ANKS1B: variants seen among roughly 807,000 people sequenced by gnomAD.
ANKS1B encodes the protein ankyrin repeat and sterile alpha motif domain-containing protein 1B.
Under a neutral mutation model 148.3 loss-of-function variants are expected in ANKS1B, and 36 were observed. The ratio of observed to expected loss-of-function variants is 0.24; its 90% CI spans 0.19 to 0.32. The LOEUF is 0.32. ANKS1B is among the 10% of genes least tolerant of loss of function. The probability of loss-of-function intolerance (pLI) is 1.00; values close to 1 mark genes in which losing one functional copy is unlikely to be tolerated. For missense variants in ANKS1B, 1,157 were observed against 1,542.6 expected, an observed-to-expected ratio of 0.75 and a Z score of 4.19; for synonymous variants, 542 against 560.8, an observed-to-expected ratio of 0.97 and a Z score of 0.47.
At chr12:99,740,712 T>C (rs765603707) in intron 8 of ANKS1B, among the ~76,000 whole-genome samples, 1 of 152,096 alleles carries the variant, frequency 6.6e-6, no homozygotes, top group Non-Finnish European at 1.5e-5. Context: ...CTTATCTCAC[T>C]GGAAATGGTT....
chr12:99,927,917 T>C (rs1435156949), intron 1 of ANKS1B, among the ~76,000 whole-genome samples: 3 of 152,234 alleles, frequency 2.0e-5, no homozygotes, highest in African/African-American at 7.2e-5. Flanking sequence ...TATTGTAATC[T>C]GAATCTTTAA....
chr12:98,915,949 G>T (rs1567763718), intron 17 of ANKS1B, among the ~76,000 whole-genome samples: 1 of 152,080 alleles, frequency 6.6e-6, no homozygotes, highest in Non-Finnish European at 1.5e-5. Context: ...AACAATGGTG[G>T]GCTGAGGTTG....
intron 25 of ANKS1B, among the ~76,000 whole-genome samples, chr12:98,762,975 G>C (rs1276058621): frequency 6.6e-6 from 1 of 152,248 alleles, no homozygotes; most frequent in Non-Finnish European, 1.5e-5. Context: ...TTAAGAAAAG[G>C]GGGAATATGG....
At position 99,362,149 on chromosome 12, in the gene ANKS1B, T is replaced by C. The variant is rs373585418; in HGVS notation, c.1756+37482A>G. Among the ~76,000 whole-genome samples, 55 of 152,176 alleles carry C rather than the reference T, an allele frequency of 3.6e-4. 1 individual carries two copies. Among genetic ancestry groups the C allele is most frequent in the East Asian group, 9.6e-4 (5 of 5,188 alleles). ...TGAGATAGCATATTGCTAAAATCTA[T>C]TGGTGTCTTAAAAAGTGGAGGGGAT... is the stretch of plus-strand genomic sequence containing the variant. On this transcript the variant is annotated intron_variant, in intron 12 of 26. Transcript: ENST00000683438.
At chr12:98,812,996 C>T (rs1444291611) in intron 19 of ANKS1B, among the ~76,000 whole-genome samples, 1 of 152,184 alleles carries the variant, frequency 6.6e-6, no homozygotes, top group Non-Finnish European at 1.5e-5. Flanking sequence ...GGCTCTTCTC[C>T]TAGACATAGG....
intron 12 of ANKS1B, among the ~76,000 whole-genome samples, chr12:99,292,966 A>G (rs898725551): frequency 6.6e-6 from 1 of 152,210 alleles, no homozygotes. Context: ...ATCTAGAACT[A>G]GAAATACCAT....
intron 12 of ANKS1B, among the ~76,000 whole-genome samples, chr12:99,306,980 G>A (rs1566854962): frequency 6.6e-6 from 1 of 151,960 alleles, no homozygotes; most frequent in Non-Finnish European, 1.5e-5. Context: ...TCCCAGGTTT[G>A]TAGCATCCAC....
chr12:99,703,475 C>T (rs2055203145), intron 8 of ANKS1B, among the ~76,000 whole-genome samples: 1 of 152,108 alleles, frequency 6.6e-6, no homozygotes, highest in African/African-American at 2.4e-5. Flanking sequence ...ATGGTTATCT[C>T]CTTTCTTTAC....
intron 12 of ANKS1B, among the ~76,000 whole-genome samples, chr12:99,336,921 C>T (rs2089001560): frequency 6.6e-6 from 1 of 152,018 alleles, no homozygotes. Flanking sequence ...TCTCTTGCTG[C>T]TTTCAGGATC....
intron 26 of ANKS1B, among the ~76,000 whole-genome samples, chr12:98,749,509 A>G (rs2153385446): frequency 6.6e-6 from 1 of 152,336 alleles, no homozygotes; most frequent in Middle Eastern, 3.4e-3. Flanking sequence ...ACATGCTTGA[A>G]GGTGACTGGG....
At chr12:99,352,464 C>CA (rs1027291660) in intron 12 of ANKS1B, among the ~76,000 whole-genome samples, 10 of 151,524 alleles carry the variant, frequency 6.6e-5, no homozygotes, top group Admixed American at 3.9e-4. Flanking sequence ...CAAACGACTT[C>CA]AAAAAAAACC....
intron 16 of ANKS1B, among the ~76,000 whole-genome samples, chr12:99,082,243 C>T (rs980938882): frequency 1.3e-5 from 2 of 152,094 alleles, no homozygotes; most frequent in African/African-American, 4.8e-5. Flanking sequence ...AATATAACTT[C>T]AGATCACACT....
At chr12:99,351,801 A>G (rs2091451796) in intron 12 of ANKS1B, among the ~76,000 whole-genome samples, 1 of 152,096 alleles carries the variant, frequency 6.6e-6, no homozygotes, top group South Asian at 2.1e-4. Context: ...GAGAATCAAG[A>G]AGAGTGATCT....
At chr12:99,697,870 T>G (rs1297846496) in intron 8 of ANKS1B, among the ~76,000 whole-genome samples, 2 of 152,152 alleles carry the variant, frequency 1.3e-5, no homozygotes, top group Non-Finnish European at 2.9e-5. Flanking sequence ...TCTGCTAAAC[T>G]TTTCTGTAAA....
At chr12:98,793,548 C>T (rs1179630135) in intron 22 of ANKS1B, among the ~76,000 whole-genome samples, 2 of 152,150 alleles carry the variant, frequency 1.3e-5, no homozygotes, top group Non-Finnish European at 2.9e-5. Context: ...AAGGAGACAT[C>T]TTAGAGAATG....
At chr12:99,581,754 G>A (rs1242805861) in intron 9 of ANKS1B, among the ~76,000 whole-genome samples, 1 of 151,854 alleles carries the variant, frequency 6.6e-6, no homozygotes, top group Non-Finnish European at 1.5e-5. Context: ...AGCCGGGCGC[G>A]GTGGCGGGCG....
At chr12:99,955,985 T>C (rs749433584) in intron 1 of ANKS1B, among the ~76,000 whole-genome samples, 2 of 151,924 alleles carry the variant, frequency 1.3e-5, no homozygotes, top group Non-Finnish European at 2.9e-5. Flanking sequence ...TAAAAGTACA[T>C]GGGATGAGGC....
At chr12:99,139,649 C>A (rs2069879343) in intron 15 of ANKS1B, among the ~76,000 whole-genome samples, 1 of 150,888 alleles carries the variant, frequency 6.6e-6, no homozygotes, top group Non-Finnish European at 1.5e-5. Context: ...ACATTGTTGG[C>A]TTTTATTAAC....
At chr12:99,016,811 A>G (rs1452913171) in intron 17 of ANKS1B, among the ~76,000 whole-genome samples, 2 of 152,244 alleles carry the variant, frequency 1.3e-5, no homozygotes, top group Non-Finnish European at 2.9e-5. Flanking sequence ...CCATTGGCCT[A>G]CAGTATTGCT....
Sources: allele counts gnomAD v4.1 joint callset (sites outside exome capture counted in the v4.1 genomes callset), GRCh38; gene constraint gnomAD v4.1.1; transcripts MANE v1.5; gene names NCBI Gene and HGNC (gene_info 2026-07-23, HGNC 2026-07-21).